The following ZCWPW2 variants were observed in gnomAD, a reference collection of about 807,000 sequenced individuals.
ZCWPW2 encodes the protein zinc finger CW-type PWWP domain protein 2.
Under a neutral mutation model 46.6 loss-of-function variants are expected in ZCWPW2, and 45 were observed. The ratio of observed to expected loss-of-function variants is 0.96; its 90% CI spans 0.76 to 1.24. The LOEUF (loss-of-function observed/expected upper bound fraction) is 1.24. Ranked by LOEUF, ZCWPW2 falls within the 50% of genes most tolerant of loss-of-function variation. ZCWPW2 has a pLI of 0.00. For missense variants in ZCWPW2, 429 were observed against 403.9 expected (o/e 1.06, Z -0.53); for synonymous variants, 152 against 137.1 (o/e 1.11, Z -0.76).
chr3:28,373,126 T>G (rs1705391846), intron 1 of ZCWPW2, among the ~76,000 whole-genome samples: 3 of 152,036 alleles, frequency 2.0e-5, no homozygotes, highest in Admixed American at 6.6e-5. Flanking sequence ...AACAGGAGAG[T>G]GAAGCTATCT....
At chr3:28,479,453 C>G (rs927440801) in intron 5 of ZCWPW2, among the ~76,000 whole-genome samples, 1 of 151,982 alleles carries the variant, frequency 6.6e-6, no homozygotes, top group Non-Finnish European at 1.5e-5. Context: ...ATTGAATTCT[C>G]AATACTATGG....
At chr3:28,397,402 G>T (rs1041009935) in intron 2 of ZCWPW2, among the ~76,000 whole-genome samples, 3 of 152,190 alleles carry the variant, frequency 2.0e-5, no homozygotes, top group African/African-American at 7.2e-5. Context: ...GGGCGCGGTG[G>T]CTCATGCCTC....
chr3:28,440,439 AT>A (rs1394464807), intron 4 of ZCWPW2, among the ~76,000 whole-genome samples: 3 of 152,136 alleles, frequency 2.0e-5, no homozygotes, highest in African/African-American at 4.8e-5. Context: ...TGCCACTTCC[AT>A]TTCTACCTCT....
At position 28,349,222 on chromosome 3, in the gene ZCWPW2, G is replaced by A; in HGVS notation, c.-134+19G>A. 1.0e-6 allele frequency: 1 copy of A among 984,790 alleles called. No individual in the cohort carries two copies. Among genetic ancestry groups the A allele is most frequent in the Non-Finnish European group, 1.2e-6 (1 of 829,360 alleles). The allele number at this position is 984,790 out of a possible 1,614,324, so 61.0% of individuals were successfully genotyped here. On this transcript the variant is annotated intron_variant, in intron 1 of 9. Coordinates refer to ENST00000383768, the MANE Select transcript of ZCWPW2 (RefSeq NM_001040432.4). Reference sequence around the variant, plus strand: ...GAGTTAGGTAAGAGCGTTACCAGCCGTCTTGTCTGTTGGGCCGAGGTCCCC... The same window carrying A: ...GAGTTAGGTAAGAGCGTTACCAGCCATCTTGTCTGTTGGGCCGAGGTCCCC...
intron 2 of ZCWPW2, among the ~76,000 whole-genome samples, chr3:28,403,423 A>G (rs1234377441): frequency 6.6e-6 from 1 of 152,152 alleles, no homozygotes; most frequent in African/African-American, 2.4e-5. Flanking sequence ...AAAACATCCC[A>G]CGCTCATGGA....
intron 6 of ZCWPW2, among the ~76,000 whole-genome samples, chr3:28,496,457 G>A (rs948417896): frequency 1.3e-5 from 2 of 151,896 alleles, no homozygotes; most frequent in African/African-American, 4.8e-5. Context: ...GGTCATTTGT[G>A]GTTAGAGAAG....
intron 2 of ZCWPW2, among the ~76,000 whole-genome samples, chr3:28,393,194 C>G (rs1695564466): frequency 6.6e-6 from 1 of 151,896 alleles, no homozygotes; most frequent in Admixed American, 6.6e-5. Context: ...ATTGGATAAG[C>G]TGGAAGAAGT....
chr3:28,521,447 T>C (rs148273521), intron 9 of ZCWPW2, among the ~76,000 whole-genome samples: 3 of 152,230 alleles, frequency 2.0e-5, no homozygotes, highest in African/African-American at 7.2e-5. Context: ...ATCTTTACAG[T>C]CAGGAGAGGG....
chr3:28,440,927 C>G (rs578036981), intron 4 of ZCWPW2, among the ~76,000 whole-genome samples: 2 of 152,280 alleles, frequency 1.3e-5, no homozygotes, highest in East Asian at 3.9e-4. Flanking sequence ...CTGATCACCC[C>G]AAGGAATGGT....
Position 28,434,155 on chromosome 3 carries a change from A to G in ZCWPW2, c.333-955A>G, listed in dbSNP as rs372599694. Among the ~76,000 whole-genome samples, 69 of 152,292 alleles carry G rather than the reference A, an allele frequency of 4.5e-4. No homozygotes were observed. In the East Asian group the frequency reaches 0.013, roughly 28 times the overall value. Reference sequence around the variant, plus strand: ...TTCCCATAAATTTTCAGTTTATTTCAAACTTCCTTTTAAACAGAACATGAT... The same window carrying G: ...TTCCCATAAATTTTCAGTTTATTTCGAACTTCCTTTTAAACAGAACATGAT... On this transcript the variant is annotated intron_variant, in intron 3 of 9. Transcript: ENST00000383768.
intron 4 of ZCWPW2, among the ~76,000 whole-genome samples, chr3:28,476,219 A>G (rs1219177109): frequency 2.0e-5 from 3 of 151,932 alleles, no homozygotes; most frequent in African/African-American, 2.4e-5. Context: ...GGGATGGGAA[A>G]GAAGGCACAT....
intron 2 of ZCWPW2, among the ~76,000 whole-genome samples, chr3:28,409,654 TATTG>T (rs1324687166): frequency 1.3e-5 from 2 of 152,190 alleles, no homozygotes; most frequent in African/African-American, 2.4e-5. Flanking sequence ...AAGGTAGAGA[TATTG>T]ATTAATTTAT....
At chr3:28,513,698 T>C (rs1305160381) in intron 6 of ZCWPW2, among the ~76,000 whole-genome samples, 1 of 152,174 alleles carries the variant, frequency 6.6e-6, no homozygotes, top group African/African-American at 2.4e-5. Flanking sequence ...TATATATTAA[T>C]AGCTTTGCAT....
At chr3:28,388,493 G>A (rs896451089) in intron 1 of ZCWPW2, among the ~76,000 whole-genome samples, 11 of 152,136 alleles carry the variant, frequency 7.2e-5, no homozygotes, top group Non-Finnish European at 1.3e-4. Context: ...GTCCATGTGT[G>A]ATGTTTTCCC....
At chr3:28,356,771 G>A (rs552341578) in intron 1 of ZCWPW2, among the ~76,000 whole-genome samples, 6 of 152,062 alleles carry the variant, frequency 3.9e-5, no homozygotes, top group East Asian at 3.9e-4. Flanking sequence ...ACCAAACACC[G>A]CATGTTCTCA....
intron 3 of ZCWPW2, among the ~76,000 whole-genome samples, chr3:28,430,984 A>G (rs1451023718): frequency 2.0e-5 from 3 of 152,210 alleles, no homozygotes; most frequent in African/African-American, 7.2e-5. Flanking sequence ...AGAATGAACT[A>G]ATACAAGTAA....
At chr3:28,352,067 T>C (rs1432625884) in intron 1 of ZCWPW2, among the ~76,000 whole-genome samples, 1 of 151,830 alleles carries the variant, frequency 6.6e-6, no homozygotes, top group Non-Finnish European at 1.5e-5. Context: ...CCCTGTACTT[T>C]CTCCTTCCCC....
intron 1 of ZCWPW2, 41 bp downstream of exon 1, chr3:28,349,244 C>A (rs552162861): frequency 1.5e-5 from 15 of 978,312 alleles, no homozygotes; most frequent in Non-Finnish European, 1.8e-5. Flanking sequence ...GGGCCGAGGT[C>A]CCCCTTCAGG....
chr3:28,504,587 G>C (rs1700228882), intron 6 of ZCWPW2, among the ~76,000 whole-genome samples: 1 of 152,156 alleles, frequency 6.6e-6, no homozygotes, highest in East Asian at 1.9e-4. Flanking sequence ...AATATTCTCT[G>C]CATCAGCTTT....
Sources: gnomAD v4.1 joint callset for allele counts (sites outside exome capture counted in the v4.1 genomes callset) on GRCh38, gnomAD v4.1.1 for gene constraint, MANE v1.5 for transcripts, NCBI Gene and HGNC (gene_info 2026-07-23, HGNC 2026-07-21) for gene names.